The following TLN2 variants were observed in gnomAD, a reference collection of about 807,000 sequenced individuals.
TLN2 encodes the protein talin-2.
In TLN2, 118 loss-of-function variants were observed where a neutral mutation model predicts 294.7. The observed-to-expected ratio is 0.40, with a 90% confidence interval of 0.34 to 0.47. The LOEUF (loss-of-function observed/expected upper bound fraction) is 0.47, where lower values mean the gene tolerates loss of function less well. TLN2 is among the 20% of genes least tolerant of loss of function. The pLI, the probability that TLN2 is intolerant of heterozygous loss-of-function variation, is 0.84. For missense variants in TLN2, 3,083 were observed against 3,282.2 expected, an observed-to-expected ratio of 0.94 and a Z score of 1.48; for synonymous variants, 1,431 against 1,304.5, an observed-to-expected ratio of 1.10 and a Z score of -2.09.
At chr15:62,695,257 T>C (rs1484682785) in intron 14 of TLN2, among the ~76,000 whole-genome samples, 11 of 152,202 alleles carry the variant, frequency 7.2e-5, no homozygotes, top group Admixed American at 7.2e-4. Context: ...TTTTGTCTCA[T>C]CTGGAATTCC....
intron 52 of TLN2, among the ~76,000 whole-genome samples, chr15:62,812,786 T>C (rs1237443906): frequency 6.6e-6 from 1 of 152,154 alleles, no homozygotes; most frequent in Non-Finnish European, 1.5e-5. Context: ...GTGTGTATGG[T>C]GTGCCTCTGT....
At chr15:62,647,540 C>T in intron 4 of TLN2, 94 bp downstream of exon 4, 5 of 1,522,400 alleles carry the variant, frequency 3.3e-6, no homozygotes, top group Non-Finnish European at 4.5e-6. Flanking sequence ...GGTACACAAG[C>T]CTATTAGTGC....
At chr15:62,732,460 A>G (rs1364466256) in intron 28 of TLN2, among the ~76,000 whole-genome samples, 1 of 152,246 alleles carries the variant, frequency 6.6e-6, no homozygotes, top group African/African-American at 2.4e-5. Context: ...GTGAGAAATA[A>G]GAGGATAACG....
chr15:62,399,261 A>AAC (rs2032823817), intron 1 of TLN2, among the ~76,000 whole-genome samples: 1 of 146,142 alleles, frequency 6.8e-6, no homozygotes, highest in African/African-American at 2.6e-5. Context: ...TCAAACAAAA[A>AAC]AAAAAAAAAA....
chr15:62,411,779 A>G (rs1430231203), intron 1 of TLN2, among the ~76,000 whole-genome samples: 1 of 152,024 alleles, frequency 6.6e-6, no homozygotes, highest in East Asian at 1.9e-4. Context: ...AGTTTGGGAG[A>G]TTATTCATCT....
intron 1 of TLN2, among the ~76,000 whole-genome samples, chr15:62,402,757 C>G (rs1006622818): frequency 1.3e-5 from 2 of 152,202 alleles, no homozygotes; most frequent in African/African-American, 4.8e-5. Flanking sequence ...AGAGAAGAAG[C>G]AATTAGAAGC....
chr15:62,630,181 T>G (rs2049658388), intron 3 of TLN2, among the ~76,000 whole-genome samples: 1 of 152,168 alleles, frequency 6.6e-6, no homozygotes, highest in Admixed American at 6.5e-5. Flanking sequence ...TTTTGCTTAT[T>G]AGTAGGTTGA....
At chr15:62,542,363 G>A (rs551320066) in intron 1 of TLN2, among the ~76,000 whole-genome samples, 10,346 of 147,440 alleles carry the variant, frequency 0.07, 703 homozygotes, top group African/African-American at 0.18. Context: ...GGCTGATTTT[G>A]TATTTTTTAG....
intron 1 of TLN2, among the ~76,000 whole-genome samples, chr15:62,514,724 C>T (rs2040100647): frequency 6.6e-6 from 1 of 152,150 alleles, no homozygotes; most frequent in Non-Finnish European, 1.5e-5. Context: ...TGGTAAATTG[C>T]ATTTAATCTC....
chr15:62,525,934 A>C (rs1042139685), intron 1 of TLN2, among the ~76,000 whole-genome samples: 2 of 152,146 alleles, frequency 1.3e-5, no homozygotes, highest in Non-Finnish European at 2.9e-5. Flanking sequence ...ACCAGTGAGA[A>C]CTGCTGCAAG....
At chr15:62,742,306 G>T (rs2061385191) in intron 32 of TLN2, among the ~76,000 whole-genome samples, 1 of 152,080 alleles carries the variant, frequency 6.6e-6, no homozygotes. Context: ...TTGAGCAGCT[G>T]TTTCTGATAG....
intron 1 of TLN2, among the ~76,000 whole-genome samples, chr15:62,491,452 T>TGG (rs1404658457): frequency 2.0e-5 from 3 of 149,014 alleles, no homozygotes; most frequent in Non-Finnish European, 1.5e-5. Flanking sequence ...TGGAAGTGGG[T>TGG]GGGGGCTTCC....
intron 1 of TLN2, among the ~76,000 whole-genome samples, chr15:62,491,736 T>C (rs1443153653): frequency 6.6e-6 from 1 of 151,974 alleles, no homozygotes; most frequent in Non-Finnish European, 1.5e-5. Context: ...GATTGGGGGG[T>C]TCCAAAATTC....
intron 31 of TLN2, among the ~76,000 whole-genome samples, chr15:62,740,054 T>TG (rs2061238431): frequency 2.0e-5 from 3 of 151,198 alleles, no homozygotes; most frequent in South Asian, 4.2e-4. Flanking sequence ...TTTGTTTTTT[T>TG]TTTTTTTTCT....
chr15:62,619,590 T>C (rs1043644658), intron 3 of TLN2, among the ~76,000 whole-genome samples: 1 of 152,176 alleles, frequency 6.6e-6, no homozygotes, highest in Non-Finnish European at 1.5e-5. Context: ...TTTTTGCAGA[T>C]GTAACTAGTT....
chr15:62,751,309 G>A (rs1424051753), intron 34 of TLN2, among the ~76,000 whole-genome samples: 5 of 152,244 alleles, frequency 3.3e-5, no homozygotes, highest in East Asian at 3.9e-4. Context: ...TTATTCTAGC[G>A]GGGAAACATC....
chr15:62,742,467 C>G (rs1319354217), intron 32 of TLN2, among the ~76,000 whole-genome samples: 2 of 152,146 alleles, frequency 1.3e-5, no homozygotes, highest in Non-Finnish European at 2.9e-5. Context: ...GGAATGGCTT[C>G]ACTCTCCTAA....
At chr15:62,768,628 C>G (rs1334532440) in intron 41 of TLN2, among the ~76,000 whole-genome samples, 2 of 152,194 alleles carry the variant, frequency 1.3e-5, no homozygotes, top group Non-Finnish European at 2.9e-5. Flanking sequence ...ACGTTATGTA[C>G]CAAATACTCA....
intron 1 of TLN2, among the ~76,000 whole-genome samples, chr15:62,463,925 A>G (rs1386038117): frequency 6.6e-6 from 1 of 152,190 alleles, no homozygotes; most frequent in African/African-American, 2.4e-5. Context: ...ACCAGGAAAC[A>G]ACAGATGCTG....
Sources: allele counts gnomAD v4.1 joint callset (sites outside exome capture counted in the v4.1 genomes callset), GRCh38; gene constraint gnomAD v4.1.1; transcripts MANE v1.5; gene names NCBI Gene and HGNC (gene_info 2026-07-23, HGNC 2026-07-21).